The following CYP4F8 variants were observed in gnomAD, a reference collection of about 807,000 sequenced individuals.
The protein encoded by CYP4F8 is cytochrome P450 family 4 subfamily F member 8, also known as cytochrome P450 4F8.
Under a neutral mutation model 55.0 loss-of-function variants are expected in CYP4F8, and 56 were observed. That is an observed-to-expected ratio of 1.02 (90% CI 0.82 to 1.27). CYP4F8 has a LOEUF of 1.27. CYP4F8 is among the 50% of genes most tolerant of loss of function. The pLI, the probability that CYP4F8 is intolerant of heterozygous loss-of-function variation, is 0.00. For synonymous variants in CYP4F8, 288 were observed against 267.3 expected, an observed-to-expected ratio of 1.08 and a Z score of -0.76; for missense variants, 680 against 682.4, an observed-to-expected ratio of 1.00 and a Z score of 0.04.
intron 2 of CYP4F8, among the ~76,000 whole-genome samples, chr19:15,616,033 TTCCTCTGCGCACTCACTCATTCC>T: frequency 3.5e-5 from 5 of 144,622 alleles, no homozygotes; most frequent in Admixed American, 2.1e-4. Context: ...CACTCACTCA[TTCCTCTGCGCACTCACTCATTCC>T]TCTCCTCACT....
At chr19:15,620,390 C>T (rs1972178399) in intron 5 of CYP4F8, among the ~76,000 whole-genome samples, 1 of 152,114 alleles carries the variant, frequency 6.6e-6, no homozygotes, top group South Asian at 2.1e-4. Flanking sequence ...ATGCTTCTCA[C>T]TAGTTATTAT....
chr19:15,619,773 T>G lies in CYP4F8; in HGVS notation c.525+11T>G. On this transcript the variant is annotated intron_variant, in intron 5 of 12. Coordinates refer to ENST00000612078, the MANE Select transcript of CYP4F8 (RefSeq NM_007253.4). ...GCAAACATCATGCATGTGAGTGCCT[T>G]GAACTCAGCATCCCAGCTGCAGCCT... 6.2e-7 allele frequency: 1 copy of G among 1,613,480 alleles called. No homozygotes were observed. The highest frequency in any genetic ancestry group is 1.3e-5 in the African/African-American group (1 of 75,036).
At chr19:15,625,227 A>G (rs1017169221) in intron 9 of CYP4F8, among the ~76,000 whole-genome samples, 1 of 151,006 alleles carries the variant, frequency 6.6e-6, no homozygotes, top group Non-Finnish European at 1.5e-5. Flanking sequence ...GTTGGAATCT[A>G]TTTTTTCTCC....
At chr19:15,623,634 A>C in intron 7 of CYP4F8, 65 bp from the exon 8 acceptor site, 3 of 1,578,450 alleles carry the variant, frequency 1.9e-6, no homozygotes, top group Non-Finnish European at 1.7e-6. Context: ...ATGGGTCTTC[A>C]GAGACTGTTT....
Position 15,623,902 on chromosome 19 carries a change from C to T in CYP4F8, c.986-63C>T, listed in dbSNP as rs142049855. 505 of 1,601,488 alleles carry T rather than the reference C, an allele frequency of 3.2e-4. 2 individuals carry two copies. In the East Asian group the frequency reaches 8.8e-3, roughly 28 times the overall value. ...CTTCCTGAGAGCCTCAATGTATGGG[C>T]GCTGTCCACCCTCTGGGTGCTGAAG... is the stretch of plus-strand genomic sequence containing the variant. On this transcript the variant is annotated intron_variant, in intron 8 of 12. Coordinates refer to ENST00000612078, the MANE Select transcript of CYP4F8 (RefSeq NM_007253.4).
At position 15,628,539 on chromosome 19, in the gene CYP4F8, T is replaced by G. The variant is rs1972292748; in HGVS notation, c.1258T>G (p.Cys420Gly). 1.2e-6 allele frequency: 2 copies of G among 1,613,798 alleles called. No homozygotes were observed. Among genetic ancestry groups the G allele is most frequent in the Non-Finnish European group, 1.7e-6 (2 of 1,179,850 alleles). ...CCTCTCCTGCACGACAGGGAATGTC[T>G]GTAACATCAACATCTTCGCAATCCA... ...DSRVIPKGNV[C>G]NINIFAIHHN... Residue 420 changes from cysteine to glycine, a missense_variant, in exon 11 of 13, where the codon TGT becomes GGT. Coordinates refer to ENST00000612078, the MANE Select transcript of CYP4F8 (RefSeq NM_007253.4).
chr19:15,619,590 G>A (rs764040093), intron 4 of CYP4F8, 45 bp from the exon 5 acceptor site: 4 of 1,613,432 alleles, frequency 2.5e-6, no homozygotes, highest in South Asian at 2.2e-5. Context: ...TTTGTGGCCA[G>A]GGGAAGATTC....
intron 5 of CYP4F8, among the ~76,000 whole-genome samples, chr19:15,620,373 G>A (rs1972178153): frequency 6.6e-6 from 1 of 152,078 alleles, no homozygotes; most frequent in African/African-American, 2.4e-5. Flanking sequence ...AGTGAGAGGA[G>A]GATACAATGC....
chr19:15,626,344 C>G (rs1972261579), intron 9 of CYP4F8, among the ~76,000 whole-genome samples: 1 of 152,202 alleles, frequency 6.6e-6, no homozygotes, highest in Admixed American at 6.5e-5. Flanking sequence ...CATGTGACCC[C>G]TCTACCCACA....
Position 15,615,781 on chromosome 19 carries a change from G to A in CYP4F8, c.165G>A (p.Arg55=). Residue 55 remains arginine (R), a synonymous_variant, in exon 2 of 13, where the codon CGG becomes CGA. Coordinates refer to ENST00000612078, the MANE Select transcript of CYP4F8 (RefSeq NM_007253.4). ...GRRLRCFPQP[R]KQNWFLGHLG... ...GCCTCCGGTGTTTCCCGCAGCCCCG[G>A]AAACAGAACTGGTTCTTGGGTCACC... 6.2e-7 allele frequency: 1 copy of A among 1,613,666 alleles called. No individual in the cohort carries two copies. Among genetic ancestry groups the A allele is most frequent in the Non-Finnish European group, 8.5e-7 (1 of 1,179,752 alleles).
At position 15,629,198 on chromosome 19, in the gene CYP4F8, G is replaced by T; in HGVS notation, c.1403G>T (p.Cys468Phe). The T allele has an allele frequency of 6.2e-7, 1 of 1,607,124 alleles. No individual in the cohort carries two copies. The highest frequency in any genetic ancestry group is 8.5e-7 in the Non-Finnish European group (1 of 1,176,868). Residue 468 changes from cysteine to phenylalanine, a missense_variant, in exon 13 of 13, where the codon TGC (cysteine) becomes TTC (phenylalanine). Cys to Phe is a radical substitution (Grantham distance 205). Transcript: ENST00000612078. ...CCTTCCACCTTGGCCCCCAGGAACTGCATCGGGCAGAAGTTCGCGATGGCA... is the reference window on the plus strand; with the variant it reads ...CCTTCCACCTTGGCCCCCAGGAACTTCATCGGGCAGAAGTTCGCGATGGCA... ...FIPFSAGPRN[C>F]IGQKFAMAEM...
chr19:15,625,640 C>T lies in CYP4F8; in HGVS notation c.1115+1546C>T, dbSNP rs566849225. ...TTACTTTGTGTTTACAGTTTTTTTT[C>T]CCTCGAGTTCCTATTTTTTTCCATT... On this transcript the variant is annotated intron_variant, in intron 9 of 12. Transcript: ENST00000612078. Among the ~76,000 whole-genome samples the T allele has an allele frequency of 5.2e-3, 785 of 151,396 alleles. 6 individuals carry two copies. Among genetic ancestry groups the T allele is most frequent in the African/African-American group, 0.018 (751 of 41,324 alleles).
In CYP4F8 at chr19:15,628,755, C is replaced by T; in HGVS notation, c.1315-6C>T. 5 of 1,613,594 alleles carry T rather than the reference C, an allele frequency of 3.1e-6. No homozygotes were observed. The highest frequency in any genetic ancestry group is 4.2e-6 in the Non-Finnish European group (5 of 1,179,818). On this transcript the variant is annotated splice_polypyrimidine_tract_variant and splice_region_variant and intron_variant, in intron 11 of 12. Coordinates refer to ENST00000612078, the MANE Select transcript of CYP4F8 (RefSeq NM_007253.4). ...CATCAGCAGCCTTAACTTGCCTCCA[C>T]CCCAGGTCTATGACCCCTTCCGCTT...
intron 3 of CYP4F8, 107 bp from the exon 4 acceptor site, chr19:15,619,383 G>A: frequency 7.4e-7 from 1 of 1,356,362 alleles, no homozygotes; most frequent in Non-Finnish European, 1.0e-6. Flanking sequence ...CTGCTATGCT[G>A]GGCTTGGAGA....
At chr19:15,625,105 A>G (rs945918921) in intron 9 of CYP4F8, among the ~76,000 whole-genome samples, 5 of 151,840 alleles carry the variant, frequency 3.3e-5, no homozygotes, top group Non-Finnish European at 5.9e-5. Context: ...ATACTCTAAT[A>G]GTAAAATGCA....
chr19:15,622,153 T>C (rs1467377724), intron 5 of CYP4F8, 66 bp from the exon 6 acceptor site: 6 of 1,552,310 alleles, frequency 3.9e-6, no homozygotes, highest in East Asian at 4.6e-5. Context: ...ATCCTGGTGG[T>C]TGGGGTTGCA....
At chr19:15,624,762 A>G (rs1972240846) in intron 9 of CYP4F8, among the ~76,000 whole-genome samples, 1 of 152,174 alleles carries the variant, frequency 6.6e-6, no homozygotes, top group Non-Finnish European at 1.5e-5. Context: ...GCAATATAAT[A>G]TTTTGTTATT....
At chr19:15,622,991 C>A (rs887883513) in intron 6 of CYP4F8, 114 bp from the exon 7 acceptor site, 31 of 1,284,850 alleles carry the variant, frequency 2.4e-5, no homozygotes, top group Non-Finnish European at 3.1e-5. Context: ...GTGAAGTGCG[C>A]TTGCAGGACA....
chr19:15,620,576 G>A (rs1972181063), intron 5 of CYP4F8, among the ~76,000 whole-genome samples: 1 of 152,036 alleles, frequency 6.6e-6, no homozygotes, highest in South Asian at 2.1e-4. Context: ...ATCTTCAGTA[G>A]AGACAGGGTT....
Sources: allele counts gnomAD v4.1 joint callset (sites outside exome capture counted in the v4.1 genomes callset), GRCh38; gene constraint gnomAD v4.1.1; transcripts MANE v1.5; gene names NCBI Gene and HGNC (gene_info 2026-07-23, HGNC 2026-07-21).